Variants in LEF1 observed in about 807,000 individuals in gnomAD.
LEF1 encodes lymphoid enhancer binding factor 1, also known as lymphoid enhancer-binding factor 1.
A neutral mutation model predicts 51.2 loss-of-function variants in LEF1; 14 were observed. The observed-to-expected ratio is 0.27, with a 90% CI of 0.18 to 0.43. The LOEUF (loss-of-function observed/expected upper bound fraction) is 0.43. LEF1 is among the 20% of genes least tolerant of loss of function. LEF1 has a pLI of 1.00. For synonymous variants in LEF1, 185 were observed against 183.2 expected (o/e 1.01, Z -0.08); for missense variants, 386 against 512.0 (o/e 0.75, Z 2.37).
chr4:108,056,993 T>C (rs1488201877), intron 11 of LEF1, among the ~76,000 whole-genome samples: 1 of 151,430 alleles, frequency 6.6e-6, no homozygotes, highest in Non-Finnish European at 1.5e-5. Context: ...TGCCGACCTG[T>C]GGCCAAGGGT....
chr4:108,137,484 T>C (rs910996262), intron 3 of LEF1, among the ~76,000 whole-genome samples: 3 of 152,218 alleles, frequency 2.0e-5, no homozygotes, highest in Non-Finnish European at 4.4e-5. Context: ...TTTTATGTGA[T>C]AAAAATGCCC....
intron 3 of LEF1, among the ~76,000 whole-genome samples, chr4:108,113,900 G>C (rs1741679408): frequency 6.6e-6 from 1 of 152,126 alleles, no homozygotes. Context: ...GCTTTCAGCT[G>C]TAAAAGATTT....
At position 108,050,050 on chromosome 4, in the gene LEF1, A is replaced by G. The variant is rs568002628; in HGVS notation, c.*7-1299T>C. 1.6e-4 allele frequency among the ~76,000 whole-genome samples: 25 copies of G among 152,370 alleles called. 1 individual carries two copies. The South Asian group carries it at 5.2e-3, about 32-fold the overall frequency. ...ATTATGCCCAATGCGGCCCCTAAAGATGATCAGAACTGCAAAGAAGCTATT... is the reference window on the plus strand; with the variant it reads ...ATTATGCCCAATGCGGCCCCTAAAGGTGATCAGAACTGCAAAGAAGCTATT... On this transcript the variant is annotated intron_variant, in intron 11 of 11. Coordinates refer to ENST00000265165, the MANE Select transcript of LEF1 (RefSeq NM_016269.5).
chr4:108,114,533 G>A (rs955058613), intron 3 of LEF1, among the ~76,000 whole-genome samples: 2 of 152,166 alleles, frequency 1.3e-5, no homozygotes, highest in African/African-American at 4.8e-5. Context: ...ATGGTGAAAA[G>A]GTAAGCAGTT....
chr4:108,158,083 G>A (rs186626693), intron 3 of LEF1, among the ~76,000 whole-genome samples: 1 of 151,772 alleles, frequency 6.6e-6, no homozygotes, highest in South Asian at 2.1e-4. Context: ...TGTTCTCTAG[G>A]ATATTTTAAG....
At chr4:108,080,296 G>C (rs1219573345) in intron 6 of LEF1, among the ~76,000 whole-genome samples, 1 of 152,058 alleles carries the variant, frequency 6.6e-6, no homozygotes, top group South Asian at 2.1e-4. Flanking sequence ...ACAAAGGAGG[G>C]AAACTGCCAG....
chr4:108,091,634 C>T (rs952989052), intron 3 of LEF1, among the ~76,000 whole-genome samples: 6 of 152,110 alleles, frequency 3.9e-5, no homozygotes, highest in East Asian at 1.9e-4. Flanking sequence ...TTTCTCTACA[C>T]ACCTCAGCAC....
intron 3 of LEF1, among the ~76,000 whole-genome samples, chr4:108,156,822 T>C (rs1167335051): frequency 3.3e-5 from 5 of 149,862 alleles, no homozygotes; most frequent in Non-Finnish European, 7.4e-5. Flanking sequence ...GGACATAGAG[T>C]GTCAAACGAT....
chr4:108,166,958 G>A (rs748327922), intron 1 of LEF1, among the ~76,000 whole-genome samples: 2 of 151,902 alleles, frequency 1.3e-5, no homozygotes, highest in African/African-American at 4.8e-5. Flanking sequence ...CACCGCCCCC[G>A]CAGCCCGGGT....
chr4:108,120,892 A>G (rs1742136438), intron 3 of LEF1, among the ~76,000 whole-genome samples: 1 of 152,228 alleles, frequency 6.6e-6, no homozygotes, highest in Admixed American at 6.5e-5. Context: ...GTACTTGATA[A>G]CTGTTTTCCT....
In LEF1 at chr4:108,048,751, C is replaced by T; in HGVS notation, c.*7G>A. On this transcript the variant is annotated splice_region_variant and 3_prime_UTR_variant, in exon 12 of 12. Transcript: ENST00000265165. ...CGTTGGGAATGAGCTTCGTTTTCCA[C>T]CTCAAGAAGGAACAAATGAAATGCT... is the stretch of plus-strand genomic sequence containing the variant. 6.3e-7 allele frequency: 1 copy of T among 1,599,112 alleles called. No individual in the cohort carries two copies. The highest frequency in any genetic ancestry group is 1.1e-5 in the South Asian group (1 of 88,168).
At chr4:108,132,628 C>T (rs1419711660) in intron 3 of LEF1, among the ~76,000 whole-genome samples, 2 of 137,430 alleles carry the variant, frequency 1.5e-5, no homozygotes, top group Admixed American at 1.6e-4. Flanking sequence ...ACAGCATTCT[C>T]AATAGATATG....
chr4:108,163,698 T>G lies in LEF1; in HGVS notation c.284A>C (p.Lys95Thr). Reference sequence around the variant, plus strand: ...GTTGTAGAGGCCTCCATCTGGATGCTTTCCTGGGAAGATCCAAAGAACAAT... The same window carrying G: ...GTTGTAGAGGCCTCCATCTGGATGCGTTCCTGGGAAGATCCAAAGAACAAT... Reference protein sequence around the residue: ...DKAREHPDDGKHPDGGLYNKG... With the variant: ...DKAREHPDDGTHPDGGLYNKG... The change falls in exon 3 of 12, where the codon AAG (lysine) becomes ACG (threonine). Residue 95 changes from lysine to threonine, a missense_variant. This residue lies in a region of LEF1 where 335 missense variants were observed against 390.7 expected (regional missense o/e 0.86). Coordinates refer to ENST00000265165, the MANE Select transcript of LEF1 (RefSeq NM_016269.5). 1.2e-6 allele frequency: 2 copies of G among 1,612,968 alleles called. No homozygotes were observed. The highest frequency in any genetic ancestry group is 1.7e-6 in the Non-Finnish European group (2 of 1,179,492).
At chr4:108,091,753 G>T (rs1394385120) in intron 3 of LEF1, among the ~76,000 whole-genome samples, 1 of 152,116 alleles carries the variant, frequency 6.6e-6, no homozygotes, top group Admixed American at 6.6e-5. Flanking sequence ...TAAATACATG[G>T]AATTTAGAAT....
At chr4:108,090,460 G>A (rs1015243107) in intron 3 of LEF1, among the ~76,000 whole-genome samples, 4 of 152,116 alleles carry the variant, frequency 2.6e-5, no homozygotes, top group African/African-American at 9.7e-5. Context: ...TGGTTACAAA[G>A]TTAAGGTTGT....
At chr4:108,084,028 G>A (rs1315627148) in intron 4 of LEF1, among the ~76,000 whole-genome samples, 2 of 152,166 alleles carry the variant, frequency 1.3e-5, no homozygotes, top group East Asian at 1.9e-4. Context: ...TGAGTCCTCT[G>A]GGCTGCAAGG....
At chr4:108,078,511 C>A (rs2126285882) in intron 7 of LEF1, 129 bp from the exon 8 acceptor site, 4 of 1,138,280 alleles carry the variant, frequency 3.5e-6, no homozygotes, top group South Asian at 1.3e-5. Context: ...TCACCCCAGA[C>A]CACCACCAAC....
At chr4:108,064,651 TCACTCA>T (rs1250081353) in intron 9 of LEF1, among the ~76,000 whole-genome samples, 4 of 132,410 alleles carry the variant, frequency 3.0e-5, no homozygotes, top group African/African-American at 1.4e-4. Flanking sequence ...TCTCTCTCTC[TCACTCA>T]CACACACACA....
intron 3 of LEF1, among the ~76,000 whole-genome samples, chr4:108,098,492 T>G (rs1404367127): frequency 6.8e-6 from 1 of 146,838 alleles, no homozygotes; most frequent in African/African-American, 2.4e-5. Flanking sequence ...ATCTAATTAT[T>G]TCATATTCAA....
Sources: allele counts gnomAD v4.1 joint callset (sites outside exome capture counted in the v4.1 genomes callset), GRCh38; gene constraint gnomAD v4.1.1; regional missense constraint gnomAD v4.1.1; transcripts MANE v1.5; gene names NCBI Gene and HGNC (gene_info 2026-07-23, HGNC 2026-07-21).